The following MRPS18B variants were observed in gnomAD, a reference collection of about 807,000 sequenced individuals.
MRPS18B encodes the protein mitochondrial ribosomal protein S18B.
Under a neutral mutation model 28.4 loss-of-function variants are expected in MRPS18B, and 27 were observed. The ratio of observed to expected loss-of-function variants is 0.95; its 90% CI spans 0.70 to 1.31. The LOEUF (loss-of-function observed/expected upper bound fraction) is 1.31, where lower values mean the gene tolerates loss of function less well. MRPS18B is among the 40% of genes most tolerant of loss of function. The pLI is 0.00. For synonymous variants in MRPS18B, 118 were observed against 123.7 expected (o/e 0.95, Z 0.30); for missense variants, 343 against 335.9 (o/e 1.02, Z -0.17).
rs761069966 is a variant in MRPS18B, at chr6:30,617,930, C to T, written c.65C>T (p.Ser22Phe). 9 of 1,614,224 alleles carry T rather than the reference C, an allele frequency of 5.6e-6. No homozygotes were observed. The highest frequency in any genetic ancestry group is 1.3e-5 in the African/African-American group (1 of 75,056). The change falls in exon 1 of 7, where the codon TCT (serine) becomes TTT (phenylalanine). Residue 22 changes from serine (S) to phenylalanine (F), a missense_variant. Physicochemically the swap from Ser to Phe is radical, Grantham distance 155. Coordinates refer to ENST00000259873, the MANE Select transcript of MRPS18B (RefSeq NM_014046.4). Reference sequence around the variant, plus strand: ...CCTATGCTATCTCTCTTCCGAGGTTCTCACAGAGTTCAGGTAACTCTTCGA... The same window carrying T: ...CCTATGCTATCTCTCTTCCGAGGTTTTCACAGAGTTCAGGTAACTCTTCGA... ...RLPMLSLFRGSHRVQVPLQTL... is the reference protein window; with the variant it reads ...RLPMLSLFRGFHRVQVPLQTL...
At chr6:30,618,399 T>C (rs2127461917) in intron 1 of MRPS18B, among the ~76,000 whole-genome samples, 1 of 152,320 alleles carries the variant, frequency 6.6e-6, no homozygotes. Context: ...GGGATCCCAA[T>C]TTCTACCAAC....
chr6:30,625,749 A>G lies in MRPS18B; in HGVS notation c.729A>G (p.Pro243=), dbSNP rs1020761876. 17 of 1,612,816 alleles carry G rather than the reference A, an allele frequency of 1.1e-5. No individual in the cohort carries two copies. The highest frequency in any genetic ancestry group is 1.4e-5 in the Non-Finnish European group (17 of 1,179,942). ...ESMPKMPPRT[P]AEASSTGQTG... ...TGCCCAAGATGCCCCCTAGAACACC[A>G]GCGGAAGCCTCCTCCACTGGGCAGA... The change falls in exon 7 of 7, where the codon CCA becomes CCG. Residue 243 remains proline (P), a synonymous_variant. Transcript: ENST00000259873.
chr6:30,625,933 T>C lies in MRPS18B; in HGVS notation c.*136T>C. The C allele has an allele frequency of 1.0e-6, 1 of 964,662 alleles. No homozygotes were observed. The highest frequency in any genetic ancestry group is 1.5e-6 in the Non-Finnish European group (1 of 658,870). 59.8% of individuals were successfully genotyped at this position (964,662 alleles called of 1,614,324 possible). A position where few individuals can be genotyped will look rare whatever the true frequency, so the allele number is the denominator to read the frequency against. ...CTGGGCACCATGGTGAAACCTCGTC[T>C]TTACCAAAAAATACAAAAATTAGCT... On this transcript the variant is annotated 3_prime_UTR_variant, in exon 7 of 7. Transcript: ENST00000259873.
intron 1 of MRPS18B, 80 bp downstream of exon 1, chr6:30,618,023 A>G (rs1760834105): frequency 4.2e-6 from 6 of 1,438,778 alleles, no homozygotes; most frequent in Non-Finnish European, 5.8e-6. Context: ...TCAGGAATCC[A>G]CGAGTGGAGA....
At position 30,625,547 on chromosome 6, in the gene MRPS18B, A is replaced by C. The variant is rs1304341120; in HGVS notation, c.527A>C (p.Asp176Ala). ...HIPQVEPRDLDFSTSHGAVSA... is the reference protein window; with the variant it reads ...HIPQVEPRDLAFSTSHGAVSA... ...CCCCAGGTTGAACCACGGGACCTTG[A>C]CTTCAGTACCTCTCATGGGGCTGTG... is the stretch of plus-strand genomic sequence containing the variant. Residue 176 changes from aspartate to alanine, a missense_variant, in exon 7 of 7, where the codon GAC becomes GCC. Asp to Ala is a moderately radical substitution (Grantham distance 126, BLOSUM62 -2). Transcript: ENST00000259873. 3 of 1,586,528 alleles carry C rather than the reference A, an allele frequency of 1.9e-6. No homozygotes were observed. Among genetic ancestry groups the C allele is most frequent in the Non-Finnish European group, 2.6e-6 (3 of 1,159,702 alleles).
At chr6:30,624,974 G>A (rs907038266) in intron 6 of MRPS18B, 32 bp downstream of exon 6, 4 of 1,612,164 alleles carry the variant, frequency 2.5e-6, no homozygotes, top group African/African-American at 2.7e-5. Context: ...CAGCAGTTTT[G>A]TTTAGGTATA....
rs144633864 is a variant in MRPS18B, at chr6:30,625,664, G to A, written c.644G>A (p.Arg215His). 3.1e-6 allele frequency: 5 copies of A among 1,612,832 alleles called. No individual in the cohort carries two copies. The highest frequency in any genetic ancestry group is 4.2e-6 in the Non-Finnish European group (5 of 1,180,016). Reference sequence around the variant, plus strand: ...CAGCCACCGGAGAGAGAACTGTCTCGCCTTCGCCGGCTTTACCAGGGTCAT... The same window carrying A: ...CAGCCACCGGAGAGAGAACTGTCTCACCTTCGCCGGCTTTACCAGGGTCAT... ...WKQPPERELS[R>H]LRRLYQGHLQ... Residue 215 changes from arginine to histidine, a missense_variant, in exon 7 of 7, where the codon CGC (arginine) becomes CAC (histidine). Physicochemically the swap from Arg to His is conservative, Grantham distance 29. Coordinates refer to ENST00000259873, the MANE Select transcript of MRPS18B (RefSeq NM_014046.4).
At position 30,619,947 on chromosome 6, in the gene MRPS18B, C is replaced by G. The variant is rs1437081604; in HGVS notation, c.312C>G (p.Pro104=). Reference sequence around the variant, plus strand: ...GTCGGAATAAAGTTGTTGGGAATCCCTGCCCCATCTGTCGAGATCACAAGT... The same window carrying G: ...GTCGGAATAAAGTTGTTGGGAATCCGTGCCCCATCTGTCGAGATCACAAGT... ...CIRRNKVVGN[P]CPICRDHKLH... is the part of the protein sequence containing the mutation. The change falls in exon 4 of 7, where the codon CCC becomes CCG. Residue 104 remains proline, a synonymous_variant. Coordinates refer to ENST00000259873, the MANE Select transcript of MRPS18B (RefSeq NM_014046.4). The G allele has an allele frequency of 6.2e-7, 1 of 1,614,194 alleles. No homozygotes were observed. Among genetic ancestry groups the G allele is most frequent in the Non-Finnish European group, 8.5e-7 (1 of 1,180,028 alleles).
chr6:30,625,077 C>A, intron 6 of MRPS18B, 135 bp downstream of exon 6: 1 of 890,668 alleles, frequency 1.1e-6, no homozygotes, highest in Non-Finnish European at 1.8e-6. Flanking sequence ...GTTACATTGT[C>A]CCCTGTCCTT....
In MRPS18B at chr6:30,622,817, C is replaced by G; in HGVS notation, c.355-15C>G. 1 of 1,612,664 alleles carries G rather than the reference C, an allele frequency of 6.2e-7. No individual in the cohort carries two copies. The highest frequency in any genetic ancestry group is 8.5e-7 in the Non-Finnish European group (1 of 1,179,750). On this transcript the variant is annotated splice_polypyrimidine_tract_variant and intron_variant, in intron 4 of 6. Coordinates refer to ENST00000259873, the MANE Select transcript of MRPS18B (RefSeq NM_014046.4). ...GCCTCTTTTCCTCACGTTTCTCTAC[C>G]ACTTTCCCCCACAGAACGTGAAGCT...
intron 1 of MRPS18B, among the ~76,000 whole-genome samples, 158 bp from the exon 2 acceptor site, chr6:30,619,335 C>T (rs1228135990): frequency 2.0e-5 from 3 of 152,180 alleles, no homozygotes; most frequent in Non-Finnish European, 4.4e-5. Flanking sequence ...TGATTTATGT[C>T]AATTTAAACC....
In MRPS18B at chr6:30,626,261, G is replaced by A. The variant is rs376685424; in HGVS notation, c.*464G>A. 21 of 173,798 alleles carry A rather than the reference G, an allele frequency of 1.2e-4. No homozygotes were observed. In the East Asian group the frequency reaches 1.3e-3, roughly 11 times the overall value. 10.8% of individuals were successfully genotyped at this position (173,798 alleles called of 1,614,324 possible). ...AGGGATAAATCTTGAGGCTGAGGGC[G>A]GGTGGTACAGATGTGTATGGGAAAC... On this transcript the variant is annotated 3_prime_UTR_variant, in exon 7 of 7. Coordinates refer to ENST00000259873, the MANE Select transcript of MRPS18B (RefSeq NM_014046.4).
At position 30,625,819 on chromosome 6, in the gene MRPS18B, G is replaced by A. The variant is rs750043003; in HGVS notation, c.*22G>A. On this transcript the variant is annotated 3_prime_UTR_variant, in exon 7 of 7. Transcript: ENST00000259873. ...GTAGGAGCTGTAGACTGGGAAGAGA[G>A]GCCAGGCGTGGTGGCTCACTCCTGT... The A allele has an allele frequency of 6.3e-7, 1 of 1,585,724 alleles. No individual in the cohort carries two copies. The highest frequency in any genetic ancestry group is 8.6e-7 in the Non-Finnish European group (1 of 1,160,278).
rs769660655 is a variant in MRPS18B at position 30,617,940 on chromosome 6, T to C, written c.75T>C (p.Val25=). The change falls in exon 1 of 7, where the codon GTT becomes GTC. Residue 25 remains valine, a synonymous_variant. Transcript: ENST00000259873. ...MLSLFRGSHR[V]QVPLQTLCTK... Reference sequence around the variant, plus strand: ...CTCTCTTCCGAGGTTCTCACAGAGTTCAGGTAACTCTTCGAAAGACATTTT... The same window carrying C: ...CTCTCTTCCGAGGTTCTCACAGAGTCCAGGTAACTCTTCGAAAGACATTTT... 30 of 1,614,090 alleles carry C rather than the reference T, an allele frequency of 1.9e-5. No homozygotes were observed. The highest frequency in any genetic ancestry group is 2.5e-5 in the Non-Finnish European group (30 of 1,180,052).
chr6:30,625,899 G>A lies in MRPS18B; in HGVS notation c.*102G>A. 7.7e-7 allele frequency: 1 copy of A among 1,293,224 alleles called. No individual in the cohort carries two copies. 80.1% of individuals were successfully genotyped at this position (1,293,224 alleles called of 1,614,324 possible). ...GCTGATCACTTGATCCCAGGAGTTT[G>A]AGACCAGCCTGGGCACCATGGTGAA... On this transcript the variant is annotated 3_prime_UTR_variant, in exon 7 of 7. Transcript: ENST00000259873.
chr6:30,624,216 C>G (rs1001814458), intron 5 of MRPS18B, among the ~76,000 whole-genome samples: 2 of 152,142 alleles, frequency 1.3e-5, no homozygotes, highest in African/African-American at 4.8e-5. Context: ...CCTCAGCCTC[C>G]CAAGTAGCTG....
intron 1 of MRPS18B, 106 bp downstream of exon 1, chr6:30,618,049 C>A: frequency 8.4e-7 from 1 of 1,185,894 alleles, no homozygotes; most frequent in Non-Finnish European, 1.2e-6. Flanking sequence ...CCACGTGTGT[C>A]TTAGCTGTCT....
intron 4 of MRPS18B, among the ~76,000 whole-genome samples, chr6:30,622,261 G>A (rs552268561): frequency 1.3e-5 from 2 of 151,938 alleles, no homozygotes; most frequent in African/African-American, 4.8e-5. Flanking sequence ...AAAGGCTGAC[G>A]TTAGAACTTA....
At chr6:30,622,047 C>T (rs1445447400) in intron 4 of MRPS18B, among the ~76,000 whole-genome samples, 2 of 152,060 alleles carry the variant, frequency 1.3e-5, no homozygotes, top group African/African-American at 2.4e-5. Context: ...TTCTACTCTA[C>T]AATGTACCTG....
Sources: gnomAD v4.1 joint callset for allele counts (sites outside exome capture counted in the v4.1 genomes callset) on GRCh38, gnomAD v4.1.1 for gene constraint, MANE v1.5 for transcripts, NCBI Gene and HGNC (gene_info 2026-07-23, HGNC 2026-07-21) for gene names.